ALKBH8: variants seen among roughly 807,000 people sequenced by gnomAD.
ALKBH8 encodes tRNA (carboxymethyluridine(34)-5-O)-methyltransferase ALKBH8.
In ALKBH8, 36 loss-of-function variants were observed where a neutral mutation model predicts 59.8. The ratio of observed to expected loss-of-function variants is 0.60; its 90% CI spans 0.46 to 0.79. The LOEUF (loss-of-function observed/expected upper bound fraction) is 0.79, where lower values mean the gene tolerates loss of function less well. Among genes scored for constraint, ALKBH8 ranks in the 30% least tolerant of loss-of-function variants. ALKBH8 has a pLI of 0.00. For synonymous variants in ALKBH8, 276 were observed against 273.6 expected, an observed-to-expected ratio of 1.01 and a Z score of -0.09; for missense variants, 768 against 801.0, an observed-to-expected ratio of 0.96 and a Z score of 0.50.
chr11:107,565,500 C>T, intron 1 of ALKBH8, 101 bp downstream of exon 1: 1 of 1,510,280 alleles, frequency 6.6e-7, no homozygotes, highest in Non-Finnish European at 8.9e-7. Context: ...CCTAGGTTCT[C>T]AGCCCTAGCT....
chr11:107,549,839 G>A lies in ALKBH8; in HGVS notation c.701-16C>T, dbSNP rs1467634692. On this transcript the variant is annotated splice_polypyrimidine_tract_variant and intron_variant, in intron 6 of 11. Transcript: ENST00000428149. ...GCGGGAATTCCTGAGATGGAAAACA[G>A]GACAACACGTCACTTCATTTTTTCC... The A allele has an allele frequency of 6.6e-7, 1 of 1,514,530 alleles. No homozygotes were observed. Among genetic ancestry groups the A allele is most frequent in the Non-Finnish European group, 9.0e-7 (1 of 1,114,160 alleles). 93.8% of individuals were successfully genotyped at this position (1,514,530 alleles called of 1,614,324 possible).
intron 11 of ALKBH8, among the ~76,000 whole-genome samples, chr11:107,506,132 C>G (rs770643144): frequency 6.6e-6 from 1 of 152,006 alleles, no homozygotes; most frequent in Non-Finnish European, 1.5e-5. Flanking sequence ...TATAAAATAG[C>G]CTTGGAGTAC....
At chr11:107,550,595 A>G (rs529001992) in intron 6 of ALKBH8, among the ~76,000 whole-genome samples, 2 of 152,350 alleles carry the variant, frequency 1.3e-5, no homozygotes, top group Middle Eastern at 3.4e-3. Context: ...TCGCTGTGCT[A>G]GAGACAAGGT....
chr11:107,506,319 G>C (rs1862382148), intron 11 of ALKBH8, among the ~76,000 whole-genome samples: 1 of 151,534 alleles, frequency 6.6e-6, no homozygotes, highest in Admixed American at 6.6e-5. Flanking sequence ...CAGAGAAAAA[G>C]TACCCAAATC....
chr11:107,513,423 A>G (rs1259328134), intron 10 of ALKBH8, among the ~76,000 whole-genome samples: 3 of 152,224 alleles, frequency 2.0e-5, no homozygotes, highest in Non-Finnish European at 4.4e-5. Context: ...TGCAGAGAAA[A>G]GAGAATTCTT....
chr11:107,548,658 A>T (rs1864364853), intron 7 of ALKBH8, among the ~76,000 whole-genome samples: 3 of 152,226 alleles, frequency 2.0e-5, no homozygotes. Flanking sequence ...CAGTATCAAC[A>T]TGACTACACA....
Position 107,504,477 on chromosome 11 carries a change from A to G in ALKBH8, c.*181T>C. The G allele has an allele frequency of 2.7e-6, 2 of 752,268 alleles. No homozygotes were observed. Among genetic ancestry groups the G allele is most frequent in the Non-Finnish European group, 4.6e-6 (2 of 437,928 alleles). The allele number at this position is 752,268 out of a possible 1,614,324, so 46.6% of individuals were successfully genotyped here. On this transcript the variant is annotated 3_prime_UTR_variant, in exon 12 of 12. Coordinates refer to ENST00000428149, the MANE Select transcript of ALKBH8 (RefSeq NM_138775.3). The stretch of plus-strand genomic sequence containing the variant: ...AGGAGGAGCCAACACCACATCTGTG[A>G]TGTCAGCCAACAGGAGACATTTGAA...
chr11:107,510,659 T>C (rs1862582374), intron 11 of ALKBH8, among the ~76,000 whole-genome samples: 1 of 152,164 alleles, frequency 6.6e-6, no homozygotes, highest in Admixed American at 6.5e-5. Flanking sequence ...GGCGAAAGCA[T>C]GCAGCAATAA....
At chr11:107,525,670 A>G in intron 8 of ALKBH8, 78 bp from the exon 9 acceptor site, 1 of 1,007,480 alleles carries the variant, frequency 9.9e-7, no homozygotes, top group Non-Finnish European at 1.3e-6. Flanking sequence ...TGTTAAGTGA[A>G]TAGAGAAAAT....
intron 11 of ALKBH8, among the ~76,000 whole-genome samples, chr11:107,508,056 A>C (rs1862464605): frequency 6.6e-6 from 1 of 152,192 alleles, no homozygotes; most frequent in South Asian, 2.1e-4. Flanking sequence ...ATTATAAATA[A>C]ATAAATAAAT....
chr11:107,505,476 T>A (rs1222995181), intron 11 of ALKBH8, among the ~76,000 whole-genome samples: 1 of 152,246 alleles, frequency 6.6e-6, no homozygotes, highest in East Asian at 1.9e-4. Flanking sequence ...ACTGTCTGGC[T>A]AGGATACATG....
At chr11:107,509,750 G>T (rs1174738867) in intron 11 of ALKBH8, among the ~76,000 whole-genome samples, 2 of 152,112 alleles carry the variant, frequency 1.3e-5, no homozygotes, top group Admixed American at 6.6e-5. Flanking sequence ...AATGACAATA[G>T]ATATGTAGAG....
chr11:107,557,540 G>A (rs570292447), intron 2 of ALKBH8, among the ~76,000 whole-genome samples: 3 of 152,024 alleles, frequency 2.0e-5, no homozygotes, highest in Admixed American at 6.6e-5. Flanking sequence ...TCCAGGATCC[G>A]CACTTTTAAT....
chr11:107,542,399 G>A (rs1206911678), intron 7 of ALKBH8, among the ~76,000 whole-genome samples: 1 of 152,130 alleles, frequency 6.6e-6, no homozygotes, highest in Non-Finnish European at 1.5e-5. Context: ...AATCTTTAGT[G>A]CATGAGGAAA....
chr11:107,524,230 T>C (rs955427488), intron 9 of ALKBH8, among the ~76,000 whole-genome samples: 7 of 152,074 alleles, frequency 4.6e-5, no homozygotes, highest in African/African-American at 1.7e-4. Flanking sequence ...GTCTAAATTT[T>C]GATTTTATTT....
At chr11:107,550,855 G>C (rs1864461335) in intron 6 of ALKBH8, among the ~76,000 whole-genome samples, 1 of 152,162 alleles carries the variant, frequency 6.6e-6, no homozygotes. Flanking sequence ...GAAGGTGGCT[G>C]ATGACAAGCC....
intron 4 of ALKBH8, 67 bp from the exon 5 acceptor site, chr11:107,553,270 C>T (rs995866717): frequency 1.1e-5 from 12 of 1,075,258 alleles, no homozygotes; most frequent in Non-Finnish European, 1.6e-5. Flanking sequence ...ATATTTCAGT[C>T]AACTTTTTGA....
chr11:107,504,598 TTCTC>T lies in ALKBH8; in HGVS notation c.*56_*59del. The T allele has an allele frequency of 2.6e-6, 4 of 1,518,044 alleles. No homozygotes were observed. The highest frequency in any genetic ancestry group is 1.4e-5 in the African/African-American group (1 of 71,478). 94.0% of individuals were successfully genotyped at this position (1,518,044 alleles called of 1,614,324 possible). A position where few individuals can be genotyped will look rare whatever the true frequency, so the allele number is the denominator to read the frequency against. On this transcript the variant is annotated 3_prime_UTR_variant, in exon 12 of 12. Transcript: ENST00000428149. Reference sequence around the variant, plus strand: ...TTTAATTAAAAGGGTAATTAATTTATTCTCTCTTTTTTTTTAAGTGAGCATTTCT... The same window carrying T: ...TTTAATTAAAAGGGTAATTAATTTATTCTTTTTTTTTAAGTGAGCATTTCT...
intron 10 of ALKBH8, among the ~76,000 whole-genome samples, chr11:107,513,824 G>A (rs1480779579): frequency 6.6e-6 from 1 of 152,120 alleles, no homozygotes; most frequent in African/African-American, 2.4e-5. Context: ...TCACGTATAA[G>A]TAAGAGCTAA....
Sources: allele counts gnomAD v4.1 joint callset (sites outside exome capture counted in the v4.1 genomes callset), GRCh38; gene constraint gnomAD v4.1.1; transcripts MANE v1.5; gene names NCBI Gene and HGNC (gene_info 2026-07-23, HGNC 2026-07-21).